LIG1: variants seen among roughly 807,000 people sequenced by gnomAD.
The protein encoded by LIG1 is ligase I, DNA, ATP-dependent.
In LIG1, 70 loss-of-function variants were observed where a neutral mutation model predicts 115.7. That is an observed-to-expected ratio of 0.60 (90% confidence interval 0.50 to 0.74). The LOEUF is 0.74. LIG1 is among the 30% of genes least tolerant of loss of function. The pLI, the probability that LIG1 is intolerant of heterozygous loss-of-function variation, is 0.00. For synonymous variants in LIG1, 487 were observed against 495.3 expected (o/e 0.98, Z 0.22); for missense variants, 1,115 against 1,225.6 (o/e 0.91, Z 1.35).
In LIG1 at chr19:48,151,240, T is replaced by G. The variant is rs1386276468; in HGVS notation, c.566A>C (p.Lys189Thr). The change falls in exon 7 of 28, where the codon AAG (lysine) becomes ACG (threonine). Residue 189 changes from lysine (K) to threonine (T), a missense_variant. Lys to Thr is a moderately conservative substitution (Grantham distance 78). Coordinates refer to ENST00000263274, the MANE Select transcript of LIG1 (RefSeq NM_000234.3). ...GAGGACCAGAAACTCACTGGAGGTC[T>G]TTAGGGGCTTGGGAGGCGTGGTGGG... is the stretch of plus-strand genomic sequence containing the variant. ...DQPTTPPKPLKTSKAETPTES... is the reference protein window; with the variant it reads ...DQPTTPPKPLTTSKAETPTES... The G allele has an allele frequency of 1.2e-6, 2 of 1,611,880 alleles. No individual in the cohort carries two copies. The highest frequency in any genetic ancestry group is 1.7e-6 in the Non-Finnish European group (2 of 1,178,030).
At chr19:48,128,956 C>T (rs139600530) in intron 19 of LIG1, among the ~76,000 whole-genome samples, 1,971 of 152,146 alleles carry the variant, frequency 0.013, 37 homozygotes, top group African/African-American at 0.045. Context: ...GAAACGGTTT[C>T]ACCATGTTGG....
At chr19:48,167,528 G>T (rs1478017053) in intron 1 of LIG1, among the ~76,000 whole-genome samples, 1 of 151,976 alleles carries the variant, frequency 6.6e-6, no homozygotes, top group Non-Finnish European at 1.5e-5. Flanking sequence ...CTCAATTTTG[G>T]AATCAAAAAA....
chr19:48,136,450 G>T (rs939445167), intron 14 of LIG1, among the ~76,000 whole-genome samples: 9 of 152,124 alleles, frequency 5.9e-5, no homozygotes, highest in Non-Finnish European at 1.0e-4. Flanking sequence ...CCTGGCGCCC[G>T]CCCTGGTGAC....
At position 48,162,368 on chromosome 19, in the gene LIG1, G is replaced by A; in HGVS notation, c.18-17C>T. On this transcript the variant is annotated splice_polypyrimidine_tract_variant and intron_variant, in intron 2 of 27. Coordinates refer to ENST00000263274, the MANE Select transcript of LIG1 (RefSeq NM_000234.3). ...AAAAATGACCTAGAGGAGCATAAAA[G>A]GGGGTAAAAAAAGGAGAATAACAGC... is the stretch of plus-strand genomic sequence containing the variant. 1 of 1,595,710 alleles carries A rather than the reference G, an allele frequency of 6.3e-7. No homozygotes were observed. The highest frequency in any genetic ancestry group is 1.1e-5 in the South Asian group (1 of 90,698).
chr19:48,154,830 C>A (rs2122922176), intron 5 of LIG1, among the ~76,000 whole-genome samples: 1 of 152,334 alleles, frequency 6.6e-6, no homozygotes, highest in South Asian at 2.1e-4. Context: ...TCTCTCCCTG[C>A]TCAAAACCCT....
chr19:48,150,309 G>T, intron 7 of LIG1, 99 bp from the exon 8 acceptor site: 1 of 1,555,916 alleles, frequency 6.4e-7, no homozygotes, highest in Non-Finnish European at 8.8e-7. Flanking sequence ...CCTGCAGATG[G>T]AAGATATAAC....
At chr19:48,154,021 T>C (rs746596914) in intron 5 of LIG1, 54 bp from the exon 6 acceptor site, 1 of 1,459,322 alleles carries the variant, frequency 6.9e-7, no homozygotes, top group Non-Finnish European at 9.6e-7. Flanking sequence ...TGTGCTCCCA[T>C]CCCGGAGAGC....
intron 5 of LIG1, 37 bp from the exon 6 acceptor site, chr19:48,154,004 T>G: frequency 6.4e-7 from 1 of 1,561,276 alleles, no homozygotes; most frequent in Non-Finnish European, 8.8e-7. Flanking sequence ...CTGACCTCGC[T>G]GGCTCGTGTG....
intron 11 of LIG1, among the ~76,000 whole-genome samples, chr19:48,143,293 G>A (rs528191878): frequency 6.6e-6 from 1 of 152,346 alleles, no homozygotes; most frequent in African/African-American, 2.4e-5. Context: ...TCCCGAGATG[G>A]AGCCTGTCTC....
intron 17 of LIG1, 54 bp downstream of exon 17, chr19:48,133,927 C>T (rs1017019022): frequency 1.6e-5 from 24 of 1,469,186 alleles, no homozygotes; most frequent in African/African-American, 4.2e-5. Context: ...CTCACGCCGA[C>T]TCAGGAGGGA....
chr19:48,154,093 C>T, intron 5 of LIG1, 126 bp from the exon 6 acceptor site: 1 of 786,682 alleles, frequency 1.3e-6, no homozygotes, highest in Non-Finnish European at 2.3e-6. Context: ...TGCCTGCACA[C>T]AGTCACTGCC....
chr19:48,162,629 A>G (rs3730853), intron 2 of LIG1, among the ~76,000 whole-genome samples: 2 of 151,796 alleles, frequency 1.3e-5, no homozygotes, highest in Non-Finnish European at 2.9e-5. Flanking sequence ...GAGATGGGGT[A>G]TCACCGTGTT....
At chr19:48,121,069 G>GA in intron 24 of LIG1, 101 bp downstream of exon 24, 1 of 1,601,042 alleles carries the variant, frequency 6.2e-7, no homozygotes, top group Non-Finnish European at 8.5e-7. Context: ...TTCACAGGGG[G>GA]ATGTGAGCAC....
chr19:48,115,690 G>T lies in LIG1; in HGVS notation c.2719C>A (p.Gln907Lys), dbSNP rs1260430121. 4.3e-6 allele frequency: 7 copies of T among 1,614,034 alleles called. No homozygotes were observed. Among genetic ancestry groups the T allele is most frequent in the Non-Finnish European group, 5.9e-6 (7 of 1,179,986 alleles). The stretch of plus-strand genomic sequence containing the variant: ...GGGTCAGAGCCTGAGTCCTCGCCTT[G>T]TTGGTTCTGAATCTGACTTTGCTTC... ...YRKQSQIQNQ[Q>K]GEDSGSDPED... Residue 907 changes from glutamine to lysine, a missense_variant, in exon 28 of 28, where the codon CAA becomes AAA. By Grantham distance (53) the Gln-to-Lys change is moderately conservative. Coordinates refer to ENST00000263274, the MANE Select transcript of LIG1 (RefSeq NM_000234.3).
At position 48,127,291 on chromosome 19, in the gene LIG1, A is replaced by G. The variant is rs1442879710; in HGVS notation, c.1990T>C (p.Tyr664His). The change falls in exon 21 of 28, where the codon TAC (tyrosine) becomes CAC (histidine). Residue 664 changes from tyrosine to histidine, a missense_variant. Tyr to His is a moderately conservative substitution (Grantham distance 83). Coordinates refer to ENST00000263274, the MANE Select transcript of LIG1 (RefSeq NM_000234.3). The stretch of plus-strand genomic sequence containing the variant: ...CTGGAACTCACCTCTCCATTGAGGT[A>G]GATGAGGTCGAAGGCGTACAAACAC... ...QVCLYAFDLI[Y>H]LNGESLVREP... 1 of 1,613,626 alleles carries G rather than the reference A, an allele frequency of 6.2e-7. No homozygotes were observed. The highest frequency in any genetic ancestry group is 2.2e-5 in the East Asian group (1 of 44,896).
intron 20 of LIG1, 199 bp downstream of exon 20, chr19:48,127,711 C>T: frequency 1.5e-6 from 1 of 678,682 alleles, no homozygotes; most frequent in South Asian, 1.6e-5. Context: ...CGAAAAGGGC[C>T]CTTCCCCTCT....
chr19:48,130,076 G>C (rs545958892), intron 19 of LIG1, among the ~76,000 whole-genome samples: 8 of 152,238 alleles, frequency 5.3e-5, no homozygotes, highest in Non-Finnish European at 1.2e-4. Flanking sequence ...AGAATGATGA[G>C]AATGTGGAAA....
chr19:48,143,521 C>A, intron 11 of LIG1, 22 bp downstream of exon 11: 2 of 621,584 alleles, frequency 3.2e-6, no homozygotes, highest in Non-Finnish European at 5.8e-6. Flanking sequence ...CGCCCCCCAC[C>A]CAGGCAGTCC....
intron 1 of LIG1, among the ~76,000 whole-genome samples, chr19:48,168,683 T>C (rs893790395): frequency 3.3e-5 from 5 of 152,134 alleles, no homozygotes; most frequent in African/African-American, 1.2e-4. Flanking sequence ...GAATACCATA[T>C]GGTAGAATAT....
Sources: allele counts gnomAD v4.1 joint callset (sites outside exome capture counted in the v4.1 genomes callset), GRCh38; gene constraint gnomAD v4.1.1; transcripts MANE v1.5; gene names NCBI Gene and HGNC (gene_info 2026-07-23, HGNC 2026-07-21).